SGTB: variants seen among roughly 807,000 people sequenced by gnomAD.
The protein encoded by SGTB is small glutamine-rich tetratricopeptide repeat-containing protein beta.
In SGTB, 19 loss-of-function variants were observed where a neutral mutation model predicts 43.9. The observed-to-expected ratio is 0.43, with a 90% CI of 0.30 to 0.63. The LOEUF is 0.63. Ranked by LOEUF, SGTB falls within the 30% of genes least tolerant of loss-of-function variation. The probability of loss-of-function intolerance (pLI) is 0.12; values close to 1 mark genes in which losing one functional copy is unlikely to be tolerated. For missense variants in SGTB, 304 were observed against 358.9 expected (o/e 0.85, Z 1.24); for synonymous variants, 116 against 117.3 (o/e 0.99, Z 0.07).
chr5:65,670,691 C>G (rs27137), intron 10 of SGTB, among the ~76,000 whole-genome samples: 93,407 of 152,000 alleles, frequency 0.61, 29,003 homozygotes, highest in South Asian at 0.65. Context: ...GCTTTTATAC[C>G]CAAGTCTTAA....
intron 5 of SGTB, among the ~76,000 whole-genome samples, chr5:65,690,405 C>CTTTA (rs959559075): frequency 6.6e-6 from 1 of 152,154 alleles, no homozygotes; most frequent in Non-Finnish European, 1.5e-5. Context: ...TGCCACTGTA[C>CTTTA]TTTAGCCTGG....
intron 5 of SGTB, among the ~76,000 whole-genome samples, chr5:65,699,399 G>A (rs1338077808): frequency 1.3e-5 from 2 of 152,150 alleles, no homozygotes; most frequent in Non-Finnish European, 2.9e-5. Flanking sequence ...GAGGATGGGA[G>A]GGAGATGAGA....
At chr5:65,689,351 T>C (rs956301786) in intron 5 of SGTB, among the ~76,000 whole-genome samples, 78 of 152,306 alleles carry the variant, frequency 5.1e-4, no homozygotes, top group African/African-American at 1.8e-3. Flanking sequence ...ATCTGATTTG[T>C]TAACACTTGC....
At chr5:65,704,440 T>C (rs1757891251) in intron 4 of SGTB, 62 bp from the exon 5 acceptor site, 1 of 1,202,784 alleles carries the variant, frequency 8.3e-7, no homozygotes, top group Non-Finnish European at 1.2e-6. Flanking sequence ...TACACTCTTA[T>C]AGACACATTT....
upstream of SGTB, chr5:65,722,222 T>C (rs1207800114): frequency 2.9e-5 from 12 of 410,066 alleles, no homozygotes; most frequent in South Asian, 6.3e-4. Context: ...GGCGTGGAGC[T>C]GCCGCACGTG....
intron 3 of SGTB, among the ~76,000 whole-genome samples, chr5:65,710,428 G>C (rs1409045264): frequency 6.6e-6 from 1 of 151,974 alleles, no homozygotes; most frequent in Admixed American, 6.6e-5. Flanking sequence ...GCATAAATTT[G>C]AGCAGTTCAC....
intron 5 of SGTB, among the ~76,000 whole-genome samples, chr5:65,693,738 C>T (rs990151166): frequency 5.9e-5 from 9 of 152,116 alleles, no homozygotes; most frequent in Non-Finnish European, 1.2e-4. Context: ...GAGAATATCT[C>T]CCTGCCCTTC....
At position 65,684,111 on chromosome 5, in the gene SGTB, G is replaced by T. The variant is rs187670690; in HGVS notation, c.479+1257C>A. ...TTTTTTTTCTTTTTTTTGAGACAGG[G>T]TCTCACTCTGTCACTCAGGCTGGAG... On this transcript the variant is annotated intron_variant, in intron 6 of 10. Transcript: ENST00000381007. 7.0e-4 allele frequency among the ~76,000 whole-genome samples: 106 copies of T among 151,912 alleles called. No individual in the cohort carries two copies. In the East Asian group the frequency reaches 0.014, roughly 20 times the overall value.
chr5:65,685,266 T>C (rs1757476737), intron 6 of SGTB, 102 bp downstream of exon 6: 1 of 934,544 alleles, frequency 1.1e-6, no homozygotes, highest in Admixed American at 2.1e-5. Flanking sequence ...CTCTTATTAG[T>C]TCAGAGGGTA....
rs1326333864 is a variant in SGTB at position 65,669,716 on chromosome 5, T to C, written c.*530A>G. 6.5e-6 allele frequency: 1 copy of C among 152,678 alleles called. No homozygotes were observed. Among genetic ancestry groups the C allele is most frequent in the East Asian group, 1.9e-4 (1 of 5,198 alleles). The allele number at this position is 152,678 out of a possible 1,614,324, so 9.5% of individuals were successfully genotyped here. On this transcript the variant is annotated 3_prime_UTR_variant, in exon 11 of 11. Coordinates refer to ENST00000381007, the MANE Select transcript of SGTB (RefSeq NM_019072.3). ...ACATTAAAGATAACATTGGTTCCCA[T>C]GTTATATATTCATTACTAATAGCAC...
At chr5:65,708,398 G>T in intron 4 of SGTB, 91 bp downstream of exon 4, 1 of 1,064,316 alleles carries the variant, frequency 9.4e-7, no homozygotes, top group Non-Finnish European at 1.4e-6. Context: ...TCTAGTCTTG[G>T]TGGTGTAATC....
chr5:65,671,130 C>G (rs1447225342), intron 10 of SGTB, among the ~76,000 whole-genome samples: 1 of 152,102 alleles, frequency 6.6e-6, no homozygotes, highest in African/African-American at 2.4e-5. Flanking sequence ...GTATGTGTAC[C>G]TAAATTGATA....
At chr5:65,722,892 T>G (rs1339593789), upstream of SGTB, 1 of 154,032 alleles carries the variant, frequency 6.5e-6, no homozygotes, top group Non-Finnish European at 1.4e-5. Flanking sequence ...CCGTCCATGC[T>G]CTCTGACTTC....
At chr5:65,707,677 C>T (rs1757961828) in intron 4 of SGTB, among the ~76,000 whole-genome samples, 1 of 152,160 alleles carries the variant, frequency 6.6e-6, no homozygotes, top group African/African-American at 2.4e-5. Context: ...TTGTGATCCA[C>T]CCACCTCGGC....
At chr5:65,685,318 G>A in intron 6 of SGTB, 50 bp downstream of exon 6, 1 of 1,513,866 alleles carries the variant, frequency 6.6e-7, no homozygotes. Flanking sequence ...ATTAAGAACA[G>A]CATACCTGAT....
At chr5:65,688,871 G>A (rs1390349601) in intron 5 of SGTB, among the ~76,000 whole-genome samples, 6 of 152,126 alleles carry the variant, frequency 3.9e-5, no homozygotes, top group African/African-American at 9.7e-5. Flanking sequence ...GTGCAATGGC[G>A]TGATCTTGGC....
At chr5:65,670,581 A>G (rs1757135862) in intron 10 of SGTB, among the ~76,000 whole-genome samples, 1 of 152,220 alleles carries the variant, frequency 6.6e-6, no homozygotes, top group African/African-American at 2.4e-5. Context: ...GCTAAAAAAA[A>G]TAAGTACCTC....
chr5:65,700,695 A>AAAG (rs1252472551), intron 5 of SGTB, among the ~76,000 whole-genome samples: 3 of 148,336 alleles, frequency 2.0e-5, no homozygotes, highest in Non-Finnish European at 4.5e-5. Flanking sequence ...AAAAAAAAAA[A>AAAG]AAAGAAAGAA....
At chr5:65,716,194 C>T (rs980404870) in intron 2 of SGTB, among the ~76,000 whole-genome samples, 1 of 152,162 alleles carries the variant, frequency 6.6e-6, no homozygotes, top group Non-Finnish European at 1.5e-5. Context: ...GAGGAACCAG[C>T]CAGAGCAAAA....
Sources: gnomAD v4.1 joint callset for allele counts (sites outside exome capture counted in the v4.1 genomes callset) on GRCh38, gnomAD v4.1.1 for gene constraint, MANE v1.5 for transcripts, NCBI Gene and HGNC (gene_info 2026-07-23, HGNC 2026-07-21) for gene names.